The following LRMDA variants were observed in gnomAD, a reference collection of about 807,000 sequenced individuals.
LRMDA encodes the protein leucine-rich melanocyte differentiation-associated protein.
In LRMDA, 18 loss-of-function variants were observed where a neutral mutation model predicts 29.8. The observed-to-expected ratio is 0.60, with a 90% confidence interval of 0.42 to 0.90. The LOEUF is 0.90. Among genes scored for constraint, LRMDA ranks in the 40% least tolerant of loss-of-function variants. The pLI is 0.00. For missense variants in LRMDA, 273 were observed against 273.9 expected, an observed-to-expected ratio of 1.00 and a Z score of 0.02; for synonymous variants, 125 against 109.4, an observed-to-expected ratio of 1.14 and a Z score of -0.89.
intron 5 of LRMDA, among the ~76,000 whole-genome samples, chr10:76,295,339 G>T (rs1840398632): frequency 6.6e-6 from 1 of 152,154 alleles, no homozygotes; most frequent in African/African-American, 2.4e-5. Context: ...GTGGGAAGCT[G>T]GACAGGTCAA....
At chr10:75,829,841 C>CTTTTTTTTTTTTTTTTTTTTTTTT (rs34025294) in intron 2 of LRMDA, among the ~76,000 whole-genome samples, 2 of 89,472 alleles carry the variant, frequency 2.2e-5, no homozygotes, top group East Asian at 3.4e-4. Context: ...GAATAGGCCA[C>CTTTTTTTTTTTTTTTTTTTTTTTT]TTTTTTTTTT....
chr10:75,867,729 C>A (rs1382679161), intron 2 of LRMDA, among the ~76,000 whole-genome samples: 1 of 152,152 alleles, frequency 6.6e-6, no homozygotes, highest in African/African-American at 2.4e-5. Context: ...TCTGTTTTCT[C>A]CTGTGATTCC....
At chr10:76,445,219 G>A (rs532276133) in intron 6 of LRMDA, among the ~76,000 whole-genome samples, 2 of 152,280 alleles carry the variant, frequency 1.3e-5, no homozygotes, top group South Asian at 4.1e-4. Context: ...ATAAAGAACA[G>A]AAGGCTGGTA....
At chr10:76,106,858 C>G (rs938280641) in intron 5 of LRMDA, among the ~76,000 whole-genome samples, 3 of 152,192 alleles carry the variant, frequency 2.0e-5, no homozygotes, top group African/African-American at 7.2e-5. Flanking sequence ...TACATCATCT[C>G]CCAGTGGTGC....
Position 76,189,713 on chromosome 10 carries a change from G to A in LRMDA, c.516+130930G>A, listed in dbSNP as rs189638501. Among the ~76,000 whole-genome samples the A allele has an allele frequency of 4.1e-4, 62 of 152,300 alleles. 2 individuals are homozygous for A. The South Asian group carries it at 7.7e-3, about 19-fold the overall frequency. ...TTCAAATTAATTTAAATGTCCCACAGTGTTCCTATGTGTTTGCTGTGGTGA... is the reference window on the plus strand; with the variant it reads ...TTCAAATTAATTTAAATGTCCCACAATGTTCCTATGTGTTTGCTGTGGTGA... On this transcript the variant is annotated intron_variant, in intron 5 of 6. Transcript: ENST00000611255.
chr10:75,632,322 G>A (rs907720640), intron 2 of LRMDA, among the ~76,000 whole-genome samples: 4 of 152,204 alleles, frequency 2.6e-5, no homozygotes, highest in African/African-American at 9.6e-5. Context: ...CAATCTGGTT[G>A]TTCTCAGCAT....
rs532869278 is a variant in LRMDA, at chr10:76,196,017, C to T, written c.517-128384C>T. Among the ~76,000 whole-genome samples the T allele has an allele frequency of 7.2e-5, 11 of 152,228 alleles. No homozygotes were observed. The East Asian group carries it at 1.7e-3, about 24-fold the overall frequency. On this transcript the variant is annotated intron_variant, in intron 5 of 6. Coordinates refer to ENST00000611255, the MANE Select transcript of LRMDA (RefSeq NM_001305581.2). ...TTTAGATCCTTCATTTGCATGAAAA[C>T]GATAGTTAATTGTGTCCCTGTGATG...
At chr10:75,645,862 T>C (rs1188396009) in intron 2 of LRMDA, among the ~76,000 whole-genome samples, 1 of 152,114 alleles carries the variant, frequency 6.6e-6, no homozygotes, top group Non-Finnish European at 1.5e-5. Flanking sequence ...TTCTTTCCCT[T>C]CTTCTCATCC....
chr10:75,779,288 T>A (rs1435908444), intron 2 of LRMDA, among the ~76,000 whole-genome samples: 2 of 151,944 alleles, frequency 1.3e-5, no homozygotes, highest in Non-Finnish European at 2.9e-5. Context: ...CCCACCCCAA[T>A]AAAAGCAAGA....
chr10:76,379,508 A>T (rs112747911), intron 6 of LRMDA, among the ~76,000 whole-genome samples: 199 of 152,164 alleles, frequency 1.3e-3, no homozygotes, highest in Non-Finnish European at 2.2e-3. Context: ...GTATGCATAG[A>T]AATGCCCATA....
intron 2 of LRMDA, among the ~76,000 whole-genome samples, chr10:75,920,993 C>T (rs1846016561): frequency 6.6e-6 from 1 of 152,186 alleles, no homozygotes; most frequent in Non-Finnish European, 1.5e-5. Flanking sequence ...ATGCCTCTCA[C>T]ATCCAATAAC....
chr10:75,707,414 A>G (rs1842382562), intron 2 of LRMDA, among the ~76,000 whole-genome samples: 1 of 152,206 alleles, frequency 6.6e-6, no homozygotes, highest in African/African-American at 2.4e-5. Flanking sequence ...GTGATGCTCA[A>G]GGTTAAGGGA....
chr10:75,601,008 C>T (rs1226107478), intron 2 of LRMDA, among the ~76,000 whole-genome samples: 2 of 152,224 alleles, frequency 1.3e-5, no homozygotes, highest in African/African-American at 2.4e-5. Flanking sequence ...ACCTTGAAAA[C>T]GCACTTTGCT....
At chr10:75,643,815 TAGAG>T (rs1419095093) in intron 2 of LRMDA, among the ~76,000 whole-genome samples, 26 of 152,178 alleles carry the variant, frequency 1.7e-4, no homozygotes, top group African/African-American at 5.8e-4. Context: ...TATCTTTAAA[TAGAG>T]AGGTACCCTG....
intron 2 of LRMDA, among the ~76,000 whole-genome samples, chr10:75,989,067 T>C (rs1247330683): frequency 2.0e-5 from 3 of 152,176 alleles, no homozygotes; most frequent in African/African-American, 7.2e-5. Context: ...CCATGCAGGT[T>C]GCATGCCTTC....
At chr10:76,249,765 G>A (rs1317408717) in intron 5 of LRMDA, among the ~76,000 whole-genome samples, 1 of 152,042 alleles carries the variant, frequency 6.6e-6, no homozygotes, top group Non-Finnish European at 1.5e-5. Flanking sequence ...TAATTTATTT[G>A]CCTAGTTAAC....
rs564026429 is a variant in LRMDA, at chr10:75,501,246, ATTCT to A, written c.131+62759_131+62762del. Among the ~76,000 whole-genome samples the A allele has an allele frequency of 5.4e-3, 815 of 152,282 alleles. 5 individuals carry two copies. The highest frequency in any genetic ancestry group is 9.6e-3 in the Non-Finnish European group (653 of 68,026). On this transcript the variant is annotated intron_variant, in intron 2 of 6. Transcript: ENST00000611255. ...ATGATAATAGTCCTGAATATGTACAATTCTTTCTTTGGTATTTTTAATTGGTAGT... is the reference window on the plus strand; with the variant it reads ...ATGATAATAGTCCTGAATATGTACAATTCTTTGGTATTTTTAATTGGTAGT...
intron 6 of LRMDA, among the ~76,000 whole-genome samples, chr10:76,333,947 T>C (rs1457602404): frequency 6.6e-6 from 1 of 152,182 alleles, no homozygotes; most frequent in Non-Finnish European, 1.5e-5. Context: ...TGCCCCTCTG[T>C]CGGTTCATCC....
At chr10:75,826,323 A>T (rs1844246287) in intron 2 of LRMDA, among the ~76,000 whole-genome samples, 2 of 151,948 alleles carry the variant, frequency 1.3e-5, no homozygotes, top group South Asian at 4.2e-4. Context: ...ATGCAAGTAT[A>T]TCTCAATTTC....
Sources: gnomAD v4.1 joint callset for allele counts (sites outside exome capture counted in the v4.1 genomes callset) on GRCh38, gnomAD v4.1.1 for gene constraint, MANE v1.5 for transcripts, NCBI Gene and HGNC (gene_info 2026-07-23, HGNC 2026-07-21) for gene names.